MALRD1: variants seen among roughly 807,000 people sequenced by gnomAD.
MALRD1 encodes MAM and LDL receptor class A domain containing 1, also known as MAM and LDL-receptor class A domain-containing protein 1.
A neutral mutation model predicts 242.1 loss-of-function variants in MALRD1; 247 were observed. That is an observed-to-expected ratio of 1.02 (90% CI 0.92 to 1.13). MALRD1 has a LOEUF of 1.13. Ranked by LOEUF, MALRD1 falls within the 50% of genes most tolerant of loss-of-function variation. The probability of loss-of-function intolerance (pLI) is 0.00; values close to 1 mark genes in which losing one functional copy is unlikely to be tolerated. For synonymous variants in MALRD1, 995 were observed against 866.6 expected (o/e 1.15, Z -2.60); for missense variants, 2,989 against 2,533.1 (o/e 1.18, Z -3.86).
At chr10:19,428,547 C>T (rs886740279) in intron 28 of MALRD1, among the ~76,000 whole-genome samples, 8 of 152,156 alleles carry the variant, frequency 5.3e-5, no homozygotes, top group African/African-American at 1.9e-4. Flanking sequence ...ACAGGAACTA[C>T]TGAGTGCTTC....
chr10:19,491,205 A>T lies in MALRD1; in HGVS notation c.5030-312A>T, dbSNP rs913755770. The T allele has an allele frequency of 3.4e-5, 19 of 565,298 alleles. No individual in the cohort carries two copies. The Admixed American group carries it at 4.4e-4, about 13-fold the overall frequency. The allele number at this position is 565,298 out of a possible 1,614,324, so 35.0% of individuals were successfully genotyped here. A position where few individuals can be genotyped will look rare whatever the true frequency, so the allele number is the denominator to read the frequency against. On this transcript the variant is annotated intron_variant, in intron 29 of 39. Transcript: ENST00000454679. ...TGAGCAGGATTTGGTGGCAGGCTGC[A>T]CATACCCTTTACCAGGTTCCAGGTA...
chr10:19,328,972 C>G (rs1843248655), intron 23 of MALRD1, among the ~76,000 whole-genome samples: 1 of 152,172 alleles, frequency 6.6e-6, no homozygotes, highest in Non-Finnish European at 1.5e-5. Context: ...GAAGTCTTAA[C>G]TAGTTCTGTG....
At chr10:19,288,426 C>T (rs999175393) in intron 21 of MALRD1, among the ~76,000 whole-genome samples, 2 of 152,020 alleles carry the variant, frequency 1.3e-5, no homozygotes, top group African/African-American at 4.8e-5. Flanking sequence ...ATCATCCCCA[C>T]CTCCCTCCCA....
At chr10:19,190,652 C>A (rs1451447324) in intron 14 of MALRD1, among the ~76,000 whole-genome samples, 4 of 92,774 alleles carry the variant, frequency 4.3e-5, no homozygotes, top group African/African-American at 1.4e-4. Flanking sequence ...CATATATGAA[C>A]AAGTGATTTT....
chr10:19,286,422 C>T (rs1003808014), intron 21 of MALRD1, among the ~76,000 whole-genome samples: 3 of 151,648 alleles, frequency 2.0e-5, no homozygotes, highest in Non-Finnish European at 4.4e-5. Flanking sequence ...TTTTGAAATA[C>T]GTCCCATCAA....
At chr10:19,658,613 T>G (rs1841284800) in intron 36 of MALRD1, among the ~76,000 whole-genome samples, 1 of 152,098 alleles carries the variant, frequency 6.6e-6, no homozygotes, top group South Asian at 2.1e-4. Flanking sequence ...GCTGGGCTAT[T>G]TCTCTCCAGT....
intron 21 of MALRD1, 136 bp from the exon 22 acceptor site, chr10:19,323,813 G>T: frequency 2.9e-6 from 2 of 688,718 alleles, no homozygotes; most frequent in Non-Finnish European, 4.8e-6. Flanking sequence ...GTTTCATCAT[G>T]GTAGCCAGGC....
chr10:19,302,891 T>C (rs1842012063), intron 21 of MALRD1, among the ~76,000 whole-genome samples: 1 of 151,740 alleles, frequency 6.6e-6, no homozygotes, highest in South Asian at 2.1e-4. Flanking sequence ...TATAAGATTT[T>C]TTAACTAACA....
chr10:19,725,537 A>G (rs1369650101), intron 38 of MALRD1, among the ~76,000 whole-genome samples: 2 of 152,210 alleles, frequency 1.3e-5, no homozygotes, highest in Non-Finnish European at 2.9e-5. Context: ...CTAATACAGC[A>G]ACCTGCAGAT....
intron 26 of MALRD1, among the ~76,000 whole-genome samples, chr10:19,363,280 T>C (rs1003507765): frequency 1.3e-5 from 2 of 151,970 alleles, no homozygotes; most frequent in African/African-American, 4.8e-5. Flanking sequence ...AACCAGGAAC[T>C]AAGCCCTGGG....
intron 36 of MALRD1, among the ~76,000 whole-genome samples, chr10:19,643,961 C>G (rs11010896): frequency 0.056 from 8,518 of 152,188 alleles, 282 homozygotes; most frequent in Middle Eastern, 0.095. Flanking sequence ...TGTAGACTGT[C>G]CTTTAATGAG....
intron 29 of MALRD1, among the ~76,000 whole-genome samples, chr10:19,451,715 A>G (rs1422561118): frequency 1.3e-5 from 2 of 152,192 alleles, no homozygotes; most frequent in Non-Finnish European, 2.9e-5. Flanking sequence ...TTGTAGTGTT[A>G]CAGCATCTGC....
chr10:19,305,407 T>C (rs1467353803), intron 21 of MALRD1, among the ~76,000 whole-genome samples: 1 of 151,552 alleles, frequency 6.6e-6, no homozygotes, highest in African/African-American at 2.4e-5. Context: ...CTTTTTTTTG[T>C]TTCTGTGCAT....
intron 28 of MALRD1, among the ~76,000 whole-genome samples, chr10:19,432,416 C>T (rs1431204236): frequency 6.6e-6 from 1 of 152,178 alleles, no homozygotes; most frequent in Non-Finnish European, 1.5e-5. Context: ...GAGAAAGAAT[C>T]TGAAATCTAT....
intron 36 of MALRD1, among the ~76,000 whole-genome samples, chr10:19,648,727 G>T (rs1290624363): frequency 6.6e-6 from 1 of 152,120 alleles, no homozygotes. Flanking sequence ...CATCTATTTT[G>T]TATATATGCT....
At chr10:19,487,564 G>A (rs1033824162) in intron 29 of MALRD1, among the ~76,000 whole-genome samples, 1 of 149,430 alleles carries the variant, frequency 6.7e-6, no homozygotes, top group Non-Finnish European at 1.5e-5. Flanking sequence ...ACTATTTAGA[G>A]TGACATCAAA....
intron 36 of MALRD1, among the ~76,000 whole-genome samples, chr10:19,669,913 T>C (rs1841836945): frequency 6.6e-6 from 1 of 152,180 alleles, no homozygotes; most frequent in African/African-American, 2.4e-5. Context: ...CACGCATGTT[T>C]ATTATTTATC....
intron 28 of MALRD1, among the ~76,000 whole-genome samples, chr10:19,443,099 T>C (rs1043555425): frequency 1.4e-4 from 21 of 152,178 alleles, no homozygotes; most frequent in Non-Finnish European, 1.2e-4. Flanking sequence ...TTCTAGTTTA[T>C]TTGCATAGAG....
rs780590094 is a variant in MALRD1 at position 19,514,022 on chromosome 10, G to A, written c.5320+15376G>A. On this transcript the variant is annotated intron_variant, in intron 31 of 39. Coordinates refer to ENST00000454679, the MANE Select transcript of MALRD1 (RefSeq NM_001142308.3). The stretch of plus-strand genomic sequence containing the variant: ...ACCTGTACTTGTTAGAGTCCTTTCC[G>A]TGAATCCCCTGAAAGATAAAATATT... 2.3e-4 allele frequency among the ~76,000 whole-genome samples: 35 copies of A among 152,048 alleles called. 1 individual carries two copies. The highest frequency in any genetic ancestry group is 4.1e-4 in the Non-Finnish European group (28 of 68,008).
Sources: allele counts gnomAD v4.1 joint callset (sites outside exome capture counted in the v4.1 genomes callset), GRCh38; gene constraint gnomAD v4.1.1; transcripts MANE v1.5; gene names NCBI Gene and HGNC (gene_info 2026-07-23, HGNC 2026-07-21).